TSPAN12: variants seen among roughly 807,000 people sequenced by gnomAD.
TSPAN12 encodes the protein tetraspanin 12.
Under a neutral mutation model 39.2 loss-of-function variants are expected in TSPAN12, and 19 were observed. The ratio of observed to expected loss-of-function variants is 0.49; its 90% confidence interval spans 0.34 to 0.71. The LOEUF (loss-of-function observed/expected upper bound fraction) is 0.71. Among genes scored for constraint, TSPAN12 ranks in the 30% least tolerant of loss-of-function variants. The pLI is 0.01. For missense variants in TSPAN12, 314 were observed against 359.9 expected, an observed-to-expected ratio of 0.87 and a Z score of 1.03; for synonymous variants, 119 against 124.8, an observed-to-expected ratio of 0.95 and a Z score of 0.31.
chr7:120,845,922 A>G (rs1431191658), intron 2 of TSPAN12, among the ~76,000 whole-genome samples: 1 of 152,188 alleles, frequency 6.6e-6, no homozygotes, highest in African/African-American at 2.4e-5. Context: ...TTTCTGTATT[A>G]GCCCATTCTA....
At chr7:120,847,530 T>C (rs1006670312) in intron 2 of TSPAN12, among the ~76,000 whole-genome samples, 3 of 152,344 alleles carry the variant, frequency 2.0e-5, no homozygotes, top group African/African-American at 7.2e-5. Context: ...CCCACTGTTT[T>C]TCCTGTAAAT....
At chr7:120,804,720 T>C (rs1793835843) in intron 7 of TSPAN12, among the ~76,000 whole-genome samples, 1 of 152,134 alleles carries the variant, frequency 6.6e-6, no homozygotes, top group African/African-American at 2.4e-5. Flanking sequence ...AATGTGATCT[T>C]ATTGGAACAT....
chr7:120,795,420 C>G (rs1271569456), intron 7 of TSPAN12, among the ~76,000 whole-genome samples: 1 of 152,132 alleles, frequency 6.6e-6, no homozygotes, highest in African/African-American at 2.4e-5. Context: ...CTATTTGAAG[C>G]CATGTCAGGA....
At chr7:120,835,839 G>C (rs549460960) in intron 4 of TSPAN12, among the ~76,000 whole-genome samples, 1 of 152,318 alleles carries the variant, frequency 6.6e-6, no homozygotes, top group Non-Finnish European at 1.5e-5. Context: ...AAAGTACTGA[G>C]AAGAAATTTC....
chr7:120,844,251 A>AT (rs1794631299), intron 2 of TSPAN12, among the ~76,000 whole-genome samples: 1 of 152,144 alleles, frequency 6.6e-6, no homozygotes, highest in Admixed American at 6.5e-5. Flanking sequence ...TCGACATGAG[A>AT]TTTCGGTGGG....
At chr7:120,794,495 G>C (rs1259733849) in intron 7 of TSPAN12, among the ~76,000 whole-genome samples, 1 of 152,084 alleles carries the variant, frequency 6.6e-6, no homozygotes, top group Non-Finnish European at 1.5e-5. Flanking sequence ...TCTCTCTCCG[G>C]TTCCTGCTTT....
chr7:120,814,189 C>CAGT (rs1794035800), intron 5 of TSPAN12: 1 of 456,538 alleles, frequency 2.2e-6, no homozygotes, highest in African/African-American at 2.0e-5. Context: ...TTGAAGACTA[C>CAGT]ATCAGCACCA....
At chr7:120,811,996 C>T (rs144610053) in intron 5 of TSPAN12, among the ~76,000 whole-genome samples, 2 of 152,118 alleles carry the variant, frequency 1.3e-5, no homozygotes, top group South Asian at 4.2e-4. Flanking sequence ...GAAATCACCA[C>T]TAAAGAACTT....
chr7:120,820,036 G>C (rs572286833), intron 4 of TSPAN12, among the ~76,000 whole-genome samples: 1 of 152,216 alleles, frequency 6.6e-6, no homozygotes, highest in South Asian at 2.1e-4. Flanking sequence ...ACATTACTGG[G>C]AACAGGTATG....
intron 2 of TSPAN12, among the ~76,000 whole-genome samples, chr7:120,843,707 G>A (rs115465913): frequency 6.6e-6 from 1 of 152,122 alleles, no homozygotes. Context: ...ATAATAAACT[G>A]TCTTCTCAAT....
chr7:120,838,682 C>T, intron 4 of TSPAN12, 95 bp downstream of exon 4: 1 of 1,311,548 alleles, frequency 7.6e-7, no homozygotes, highest in Non-Finnish European at 1.1e-6. Flanking sequence ...GTTGTTACTG[C>T]TATCACTGCT....
At chr7:120,850,238 A>G (rs763658376) in intron 2 of TSPAN12, among the ~76,000 whole-genome samples, 2 of 152,192 alleles carry the variant, frequency 1.3e-5, no homozygotes, top group Non-Finnish European at 2.9e-5. Context: ...TTTCTAGACC[A>G]CCATGTTTTC....
intron 7 of TSPAN12, among the ~76,000 whole-genome samples, chr7:120,795,026 T>C (rs191687476): frequency 3.3e-5 from 5 of 152,350 alleles, no homozygotes; most frequent in Admixed American, 2.0e-4. Flanking sequence ...TGTGTTTATA[T>C]GTATTTATTA....
chr7:120,807,019 T>C (rs956291719), intron 6 of TSPAN12, among the ~76,000 whole-genome samples: 1 of 152,082 alleles, frequency 6.6e-6, no homozygotes, highest in Non-Finnish European at 1.5e-5. Context: ...CAAACCCAAG[T>C]AGGTGACACT....
chr7:120,788,700 G>A lies in TSPAN12; in HGVS notation c.810C>T (p.His270=). 6.2e-7 allele frequency: 1 copy of A among 1,614,130 alleles called. No homozygotes were observed. Among genetic ancestry groups the A allele is most frequent in the Non-Finnish European group, 8.5e-7 (1 of 1,180,014 alleles). The part of the protein sequence containing the change: ...MMSLKNDNSQ[H]LSCPSVELLK... ...ACAGTTCTACTGAGGGACATGACAG[G>A]TGCTGAGAGTTGTCATTCTTCAAGG... Residue 270 remains histidine, a synonymous_variant, in exon 8 of 8, where the codon CAC becomes CAT. Transcript: ENST00000222747.
At chr7:120,851,191 A>T (rs1468085963) in intron 2 of TSPAN12, among the ~76,000 whole-genome samples, 1 of 152,210 alleles carries the variant, frequency 6.6e-6, no homozygotes, top group Non-Finnish European at 1.5e-5. Flanking sequence ...CTACTTGCCA[A>T]GGATCTAACT....
intron 1 of TSPAN12, 74 bp from the exon 2 acceptor site, chr7:120,856,907 C>G: frequency 2.4e-6 from 2 of 847,730 alleles, no homozygotes; most frequent in Non-Finnish European, 3.9e-6. Flanking sequence ...GTCCCTCCTC[C>G]ACCCGCCCTC....
chr7:120,832,566 G>A (rs1794408026), intron 4 of TSPAN12, among the ~76,000 whole-genome samples: 1 of 151,988 alleles, frequency 6.6e-6, no homozygotes, highest in Non-Finnish European at 1.5e-5. Context: ...ACTCCCCTGT[G>A]AAACATTCTG....
chr7:120,849,668 T>G (rs983604620), intron 2 of TSPAN12, among the ~76,000 whole-genome samples: 1 of 152,208 alleles, frequency 6.6e-6, no homozygotes, highest in African/African-American at 2.4e-5. Context: ...GACAAATAAT[T>G]CAAACTTTCA....
Sources: allele counts gnomAD v4.1 joint callset (sites outside exome capture counted in the v4.1 genomes callset), GRCh38; gene constraint gnomAD v4.1.1; transcripts MANE v1.5; gene names NCBI Gene and HGNC (gene_info 2026-07-23, HGNC 2026-07-21).